Variants in CNBD1 observed in about 807,000 individuals in gnomAD.
The protein encoded by CNBD1 is cyclic nucleotide binding domain containing 1.
CNBD1 carries 71 observed loss-of-function variants against 54.4 expected under a neutral mutation model. The observed-to-expected ratio is 1.30, with a 90% CI of 1.08 to 1.59. The LOEUF is 1.59. Among genes scored for constraint, CNBD1 ranks in the 40% most tolerant of loss-of-function variants. The probability of loss-of-function intolerance (pLI) is 0.00; values close to 1 mark genes in which losing one functional copy is unlikely to be tolerated. For missense variants in CNBD1, 659 were observed against 518.0 expected, an observed-to-expected ratio of 1.27 and a Z score of -2.64; for synonymous variants, 182 against 170.7, an observed-to-expected ratio of 1.07 and a Z score of -0.51.
At chr8:87,299,719 G>A (rs1329029979) in intron 8 of CNBD1, among the ~76,000 whole-genome samples, 2 of 152,180 alleles carry the variant, frequency 1.3e-5, no homozygotes, top group African/African-American at 4.8e-5. Context: ...CAGATCATTT[G>A]TCACCTGGGT....
chr8:87,376,949 C>T (rs1049571688), intron 10 of CNBD1, among the ~76,000 whole-genome samples: 2 of 150,182 alleles, frequency 1.3e-5, no homozygotes, highest in Non-Finnish European at 3.0e-5. Flanking sequence ...TAGAGCACAT[C>T]TTGGAACCCA....
intron 2 of CNBD1, among the ~76,000 whole-genome samples, chr8:87,422,296 A>C (rs1807954190): frequency 1.4e-5 from 2 of 145,138 alleles, no homozygotes; most frequent in South Asian, 2.2e-4. Flanking sequence ...CCATTTGTCA[A>C]TTTTGTCTTT....
At chr8:87,202,263 A>G (rs1813879635) in intron 4 of CNBD1, among the ~76,000 whole-genome samples, 1 of 152,210 alleles carries the variant, frequency 6.6e-6, no homozygotes, top group African/African-American at 2.4e-5. Flanking sequence ...CCATAATAGC[A>G]ATATTAATCC....
At chr8:87,332,632 GGAATCCT>G in intron 8 of CNBD1, among the ~76,000 whole-genome samples, 1 of 152,142 alleles carries the variant, frequency 6.6e-6, no homozygotes, top group African/African-American at 2.4e-5. Context: ...TTTATTGTAG[GGAATCCT>G]TTCCCCATTG....
intron 10 of CNBD1, among the ~76,000 whole-genome samples, chr8:87,382,067 A>T (rs147052595): frequency 6.6e-6 from 1 of 152,114 alleles, no homozygotes; most frequent in Admixed American, 6.6e-5. Flanking sequence ...ACAGAGAGCC[A>T]GTCTATATTA....
intron 4 of CNBD1, among the ~76,000 whole-genome samples, chr8:87,173,661 G>GTT (rs1490512270): frequency 8.7e-5 from 9 of 103,154 alleles, no homozygotes; most frequent in Admixed American, 3.6e-4. Context: ...TCCATTATAT[G>GTT]TTATTTTTTT....
chr8:87,038,118 G>A (rs1001226955), intron 4 of CNBD1, among the ~76,000 whole-genome samples: 1 of 152,168 alleles, frequency 6.6e-6, no homozygotes, highest in African/African-American at 2.4e-5. Context: ...CTGCTGTCCA[G>A]AGCCTCCACA....
chr8:87,223,539 A>G (rs1255447757), intron 5 of CNBD1, among the ~76,000 whole-genome samples: 2 of 151,980 alleles, frequency 1.3e-5, no homozygotes, highest in African/African-American at 4.8e-5. Flanking sequence ...ATGGTTTCCA[A>G]TGTCATCCAT....
chr8:87,393,915 A>G (rs1811360798), intron 2 of CNBD1, among the ~76,000 whole-genome samples: 1 of 151,436 alleles, frequency 6.6e-6, no homozygotes, highest in East Asian at 1.9e-4. Flanking sequence ...TTTAGAAAAT[A>G]GTGAATAAAA....
chr8:87,136,971 ATATTTATATTCTATG>A (rs1812255164), intron 4 of CNBD1, among the ~76,000 whole-genome samples: 1 of 83,140 alleles, frequency 1.2e-5, no homozygotes, highest in African/African-American at 4.8e-5. Context: ...TAAATTATAT[ATATTTATATTCTATG>A]TAAATTATAT....
chr8:87,070,228 C>A (rs1026374350), intron 4 of CNBD1, among the ~76,000 whole-genome samples: 1 of 152,062 alleles, frequency 6.6e-6, no homozygotes, highest in South Asian at 2.1e-4. Context: ...CATTCTGTCA[C>A]CACCTCTTCC....
At chr8:86,931,639 G>A (rs906779731) in intron 3 of CNBD1, among the ~76,000 whole-genome samples, 4 of 152,006 alleles carry the variant, frequency 2.6e-5, no homozygotes, top group Non-Finnish European at 5.9e-5. Context: ...TTTTCAGCCT[G>A]TTCCTTCCTC....
intron 4 of CNBD1, among the ~76,000 whole-genome samples, chr8:87,169,940 G>T (rs1813050619): frequency 6.6e-6 from 1 of 152,050 alleles, no homozygotes. Flanking sequence ...CTGTTTATGT[G>T]AATAATGTCA....
chr8:87,260,932 T>C (rs1224742252), intron 6 of CNBD1, among the ~76,000 whole-genome samples: 2 of 152,070 alleles, frequency 1.3e-5, no homozygotes, highest in Admixed American at 1.3e-4. Context: ...GTTCTCTTCA[T>C]TAACTTAGTC....
At chr8:87,373,658 T>C (rs759232783) in intron 10 of CNBD1, among the ~76,000 whole-genome samples, 30 of 151,760 alleles carry the variant, frequency 2.0e-4, no homozygotes, top group Non-Finnish European at 3.5e-4. Flanking sequence ...AAAATTACAA[T>C]AAATGTTGGC....
At chr8:87,349,646 A>T (rs1401569353) in intron 8 of CNBD1, among the ~76,000 whole-genome samples, 1 of 152,196 alleles carries the variant, frequency 6.6e-6, no homozygotes, top group Non-Finnish European at 1.5e-5. Flanking sequence ...AAGTGCTGGG[A>T]TTACAGGCGT....
At chr8:86,933,839 T>A (rs1297138731) in intron 3 of CNBD1, among the ~76,000 whole-genome samples, 1 of 152,110 alleles carries the variant, frequency 6.6e-6, no homozygotes, top group Non-Finnish European at 1.5e-5. Flanking sequence ...AAAATTGCCT[T>A]TTTAATTACT....
chr8:87,408,435 T>C (rs117908412), intron 2 of CNBD1, among the ~76,000 whole-genome samples: 2,032 of 152,136 alleles, frequency 0.013, 17 homozygotes, highest in Non-Finnish European at 0.019. Context: ...TTTAATTTTT[T>C]AAACTAACAA....
intron 3 of CNBD1, among the ~76,000 whole-genome samples, chr8:86,937,866 C>T (rs949003785): frequency 2.0e-5 from 3 of 152,230 alleles, no homozygotes; most frequent in African/African-American, 7.2e-5. Context: ...CAAATTTCTG[C>T]AGCCACCTTG....
Sources: gnomAD v4.1 joint callset for allele counts (sites outside exome capture counted in the v4.1 genomes callset) on GRCh38, gnomAD v4.1.1 for gene constraint, MANE v1.5 for transcripts, NCBI Gene and HGNC (gene_info 2026-07-23, HGNC 2026-07-21) for gene names.